The following STMND1 variants were observed in gnomAD, a reference collection of about 807,000 sequenced individuals.
The protein encoded by STMND1 is stathmin domain containing 1.
STMND1 carries 17 observed loss-of-function variants against 23.0 expected under a neutral mutation model. The ratio of observed to expected loss-of-function variants is 0.74; its 90% CI spans 0.51 to 1.11. STMND1 has a LOEUF of 1.11. STMND1 is among the 50% of genes least tolerant of loss of function. The pLI is 0.00. For missense variants in STMND1, 305 were observed against 329.1 expected (o/e 0.93, Z 0.57); for synonymous variants, 114 against 119.9 (o/e 0.95, Z 0.32).
At chr6:17,124,622 T>C (rs747979019) in intron 3 of STMND1, among the ~76,000 whole-genome samples, 18 of 152,212 alleles carry the variant, frequency 1.2e-4, no homozygotes, top group Non-Finnish European at 2.5e-4. Context: ...ATCTTGCTGG[T>C]GAATACCACA....
At chr6:17,110,992 G>C in intron 1 of STMND1, 1 of 369,820 alleles carries the variant, frequency 2.7e-6, no homozygotes, top group South Asian at 2.0e-5. Context: ...GGTAGTCAGG[G>C]GAGATACGAT....
intron 3 of STMND1, among the ~76,000 whole-genome samples, chr6:17,126,982 G>T (rs1350762472): frequency 1.3e-5 from 2 of 152,192 alleles, no homozygotes; most frequent in Non-Finnish European, 2.9e-5. Flanking sequence ...CCCCAGAGTT[G>T]AAGCTCATGC....
intron 2 of STMND1, among the ~76,000 whole-genome samples, chr6:17,120,129 G>A (rs1450644844): frequency 6.6e-6 from 1 of 152,178 alleles, no homozygotes; most frequent in Non-Finnish European, 1.5e-5. Context: ...CTTAGCAGAT[G>A]GCGTAATTAT....
At chr6:17,106,006 C>T (rs958940520) in intron 1 of STMND1, among the ~76,000 whole-genome samples, 1 of 150,986 alleles carries the variant, frequency 6.6e-6, no homozygotes, top group African/African-American at 2.5e-5. Context: ...CTGCTAACTC[C>T]TCCAGTCTTG....
chr6:17,117,158 T>C (rs1761173056), intron 2 of STMND1, among the ~76,000 whole-genome samples: 1 of 152,076 alleles, frequency 6.6e-6, no homozygotes, highest in South Asian at 2.1e-4. Flanking sequence ...AACCTCCGCC[T>C]CCTGGGTTCA....
At chr6:17,111,914 C>T (rs1761101471) in intron 1 of STMND1, among the ~76,000 whole-genome samples, 3 of 152,192 alleles carry the variant, frequency 2.0e-5, no homozygotes. Context: ...CTGTGTGAAG[C>T]TTCTGTTTAT....
At chr6:17,130,526 A>G in intron 4 of STMND1, 68 bp from the exon 5 acceptor site, 1 of 1,223,146 alleles carries the variant, frequency 8.2e-7, no homozygotes. Context: ...GTTCAATACA[A>G]GCAACATTAA....
At chr6:17,111,393 G>T (rs897612528) in intron 1 of STMND1, among the ~76,000 whole-genome samples, 1 of 152,160 alleles carries the variant, frequency 6.6e-6, no homozygotes, top group African/African-American at 2.4e-5. Context: ...GGAATGATTG[G>T]ATGGGTTCAC....
chr6:17,103,100 A>G (rs780906003), intron 1 of STMND1, among the ~76,000 whole-genome samples: 10 of 152,158 alleles, frequency 6.6e-5, no homozygotes, highest in South Asian at 2.1e-4. Context: ...TCCAGATTCC[A>G]CAGACAGCGC....
rs763613198 is a variant in STMND1, at chr6:17,115,134, A to C, written c.254A>C (p.Asn85Thr). 8 of 1,534,430 alleles carry C rather than the reference A, an allele frequency of 5.2e-6. No homozygotes were observed. In the South Asian group the frequency reaches 8.4e-5, roughly 16 times the overall value. ...CCTAGTGAAAGAAACAGACGAGTAA[A>C]TTCAGGTAACCTCCCTCTGCCCCCA... The part of the protein sequence containing the change: ...PSPSERNRRV[N>T]SDLVTNGLIN... Residue 85 changes from asparagine (N) to threonine (T), a missense_variant, in exon 2 of 5, where the codon AAT becomes ACT. Physicochemically the swap from Asn to Thr is moderately conservative, Grantham distance 65. Coordinates refer to ENST00000536551, the MANE Select transcript of STMND1 (RefSeq NM_001190766.2).
intron 4 of STMND1, 56 bp downstream of exon 4, chr6:17,129,299 C>G: frequency 6.6e-7 from 1 of 1,512,570 alleles, no homozygotes; most frequent in East Asian, 2.5e-5. Flanking sequence ...TTAAAATGAT[C>G]TCACCCCAGA....
At position 17,131,018 on chromosome 6, in the gene STMND1, T is replaced by C; in HGVS notation, c.*137T>C. 1 of 801,584 alleles carries C rather than the reference T, an allele frequency of 1.2e-6. No homozygotes were observed. The allele number at this position is 801,584 out of a possible 1,614,324, so 49.7% of individuals were successfully genotyped here. A position where few individuals can be genotyped will look rare whatever the true frequency, so the allele number is the denominator to read the frequency against. ...TGGGCTTAAGGATGATTGTGTGGGC[T>C]GCACAGGCTGAAGGTTAGTTGAGTA... is the stretch of plus-strand genomic sequence containing the variant. On this transcript the variant is annotated 3_prime_UTR_variant, in exon 5 of 5. Transcript: ENST00000536551.
chr6:17,114,590 G>A (rs139070283), intron 1 of STMND1, among the ~76,000 whole-genome samples: 1 of 152,282 alleles, frequency 6.6e-6, no homozygotes, highest in African/African-American at 2.4e-5. Context: ...CAAGGAGTAC[G>A]CAACCTAGAT....
chr6:17,130,887 T>A lies in STMND1; in HGVS notation c.*6T>A. 1 of 1,495,728 alleles carries A rather than the reference T, an allele frequency of 6.7e-7. No individual in the cohort carries two copies. Among genetic ancestry groups the A allele is most frequent in the Non-Finnish European group, 8.9e-7 (1 of 1,124,562 alleles). 92.7% of individuals were successfully genotyped at this position (1,495,728 alleles called of 1,614,324 possible). Reference sequence around the variant, plus strand: ...CAGATGACATAGTCTACTAAGCCATTTTTTGTGAATTTCATAAGAAAGCAT... The same window carrying A: ...CAGATGACATAGTCTACTAAGCCATATTTTGTGAATTTCATAAGAAAGCAT... On this transcript the variant is annotated 3_prime_UTR_variant, in exon 5 of 5. Coordinates refer to ENST00000536551, the MANE Select transcript of STMND1 (RefSeq NM_001190766.2).
intron 2 of STMND1, among the ~76,000 whole-genome samples, chr6:17,115,950 C>A (rs545702968): frequency 2.0e-5 from 3 of 152,310 alleles, no homozygotes; most frequent in East Asian, 3.9e-4. Context: ...CTGTAGTCAG[C>A]GTGACCTCAG....
intron 2 of STMND1, among the ~76,000 whole-genome samples, chr6:17,119,997 A>G (rs1203251422): frequency 6.6e-6 from 1 of 152,232 alleles, no homozygotes; most frequent in Non-Finnish European, 1.5e-5. Context: ...AGACTCCCCC[A>G]TAAACTGTTT....
rs150532770 is a variant in STMND1 at position 17,118,632 on chromosome 6, A to C, written c.260-1975A>C. Among the ~76,000 whole-genome samples, 1,522 of 152,330 alleles carry C rather than the reference A, an allele frequency of 1.0e-2. 13 individuals carry two copies. The highest frequency in any genetic ancestry group is 0.015 in the Non-Finnish European group (1,050 of 68,042). ...AAGAATGGATCAGAATGGTTACAAT[A>C]ATTTTATTATGTTAGCGACAGATGT... On this transcript the variant is annotated intron_variant, in intron 2 of 4. Coordinates refer to ENST00000536551, the MANE Select transcript of STMND1 (RefSeq NM_001190766.2).
chr6:17,114,886 C>T, intron 1 of STMND1, 76 bp from the exon 2 acceptor site: 4 of 1,400,340 alleles, frequency 2.9e-6, no homozygotes, highest in Non-Finnish European at 2.8e-6. Context: ...GCTAAATATT[C>T]ACAAAGCAGA....
chr6:17,130,693 T>C lies in STMND1; in HGVS notation c.643T>C (p.Phe215Leu), dbSNP rs1761379597. 1.3e-6 allele frequency: 2 copies of C among 1,535,928 alleles called. No homozygotes were observed. Among genetic ancestry groups the C allele is most frequent in the Non-Finnish European group, 1.7e-6 (2 of 1,146,902 alleles). ...TGAATTAGATGGGGCCGAGGTTGCA[T>C]TTGCCAAAGGACTTCAAAGGGTGAG... ...SAELDGAEVA[F>L]AKGLQRVRSA... The change falls in exon 5 of 5, where the codon TTT (phenylalanine) becomes CTT (leucine). Residue 215 changes from phenylalanine to leucine, a missense_variant. Phe to Leu is a conservative substitution (Grantham distance 22). Transcript: ENST00000536551.
Sources: gnomAD v4.1 joint callset for allele counts (sites outside exome capture counted in the v4.1 genomes callset) on GRCh38, gnomAD v4.1.1 for gene constraint, MANE v1.5 for transcripts, NCBI Gene and HGNC (gene_info 2026-07-23, HGNC 2026-07-21) for gene names.